Variants in GUCY1A2 observed in about 807,000 individuals in gnomAD.
GUCY1A2 encodes guanylate cyclase 1 soluble subunit alpha 2.
GUCY1A2 carries 27 observed loss-of-function variants against 63.5 expected under a neutral mutation model. The ratio of observed to expected loss-of-function variants is 0.43; its 90% CI spans 0.31 to 0.59. The LOEUF is 0.59. Among genes scored for constraint, GUCY1A2 ranks in the 20% least tolerant of loss-of-function variants. The pLI, the probability that GUCY1A2 is intolerant of heterozygous loss-of-function variation, is 0.11. For missense variants in GUCY1A2, 768 were observed against 913.3 expected (o/e 0.84, Z 2.05); for synonymous variants, 364 against 343.5 (o/e 1.06, Z -0.66).
intron 4 of GUCY1A2, among the ~76,000 whole-genome samples, chr11:106,882,136 AAAAT>A (rs1161059529): frequency 1.3e-5 from 2 of 151,908 alleles, no homozygotes; most frequent in Non-Finnish European, 2.9e-5. Context: ...TTGCTGAAGA[AAAAT>A]AAATATTGAC....
At chr11:106,827,908 G>A in intron 4 of GUCY1A2, 1 of 1,449,536 alleles carries the variant, frequency 6.9e-7, no homozygotes, top group Non-Finnish European at 9.7e-7. Context: ...GACTCCCAGT[G>A]GTTTACTGAA....
At chr11:106,969,100 T>A (rs1861162534) in intron 3 of GUCY1A2, among the ~76,000 whole-genome samples, 1 of 152,178 alleles carries the variant, frequency 6.6e-6, no homozygotes, top group Non-Finnish European at 1.5e-5. Flanking sequence ...AAAATGGGAC[T>A]AACAGTGGGA....
At chr11:106,819,500 A>G (rs1021981866) in intron 4 of GUCY1A2, among the ~76,000 whole-genome samples, 1 of 152,174 alleles carries the variant, frequency 6.6e-6, no homozygotes, top group Non-Finnish European at 1.5e-5. Flanking sequence ...GTCAGTAGCC[A>G]TTTACATCAA....
In GUCY1A2 at chr11:106,826,379, A is replaced by T. The variant is rs530058965; in HGVS notation, c.1207-15901T>A. 6 of 1,534,282 alleles carry T rather than the reference A, an allele frequency of 3.9e-6. No individual in the cohort carries two copies. The South Asian group carries it at 7.2e-5, about 18-fold the overall frequency. On this transcript the variant is annotated intron_variant, in intron 4 of 7. Coordinates refer to ENST00000526355, the MANE Select transcript of GUCY1A2 (RefSeq NM_000855.3). ...ATTTGGAACTTTATATGATTCTTGA[A>T]GAAATTCCATTTTTAGTCAAAATAA...
chr11:106,887,121 C>T (rs1161565558), intron 4 of GUCY1A2, among the ~76,000 whole-genome samples: 1 of 151,946 alleles, frequency 6.6e-6, no homozygotes, highest in African/African-American at 2.4e-5. Context: ...CTGCTTGTTG[C>T]CCCTTCTTAC....
intron 3 of GUCY1A2, among the ~76,000 whole-genome samples, chr11:106,963,244 A>T (rs1479956488): frequency 6.6e-6 from 1 of 152,202 alleles, no homozygotes; most frequent in East Asian, 1.9e-4. Flanking sequence ...GAATATGTCA[A>T]TGATTGATGA....
intron 4 of GUCY1A2, among the ~76,000 whole-genome samples, chr11:106,923,987 A>C (rs1469034493): frequency 6.6e-6 from 1 of 152,194 alleles, no homozygotes; most frequent in Non-Finnish European, 1.5e-5. Flanking sequence ...AGAATAAAAT[A>C]TATATTCTTA....
chr11:106,829,493 G>A (rs1859022438), intron 4 of GUCY1A2, among the ~76,000 whole-genome samples: 1 of 152,146 alleles, frequency 6.6e-6, no homozygotes, highest in African/African-American at 2.4e-5. Context: ...GTAAGACTGG[G>A]ATAATGATAA....
chr11:106,692,188 G>GT (rs1862637025), intron 7 of GUCY1A2, among the ~76,000 whole-genome samples: 1 of 152,112 alleles, frequency 6.6e-6, no homozygotes, highest in South Asian at 2.1e-4. Context: ...GATATGGAAG[G>GT]TTAGATTCTA....
intron 6 of GUCY1A2, among the ~76,000 whole-genome samples, chr11:106,774,913 C>G (rs1312860142): frequency 6.6e-6 from 1 of 152,016 alleles, no homozygotes; most frequent in Admixed American, 6.6e-5. Flanking sequence ...AAGTCTTGTC[C>G]CTTTCTCACA....
intron 6 of GUCY1A2, among the ~76,000 whole-genome samples, chr11:106,771,238 C>T (rs927709813): frequency 2.6e-5 from 4 of 152,032 alleles, no homozygotes; most frequent in African/African-American, 7.2e-5. Flanking sequence ...AAGTCATAGG[C>T]AGTAATAAAT....
intron 6 of GUCY1A2, among the ~76,000 whole-genome samples, chr11:106,764,958 T>C (rs1353130318): frequency 1.2e-5 from 1 of 81,544 alleles, no homozygotes; most frequent in East Asian, 3.8e-4. Context: ...AAACTTACTT[T>C]GCAGATTTTT....
intron 6 of GUCY1A2, among the ~76,000 whole-genome samples, chr11:106,776,063 G>A (rs572986450): frequency 3.7e-4 from 56 of 152,240 alleles, no homozygotes; most frequent in Non-Finnish European, 7.2e-4. Flanking sequence ...AGGAAGTTGC[G>A]CAGGTCCTCC....
At chr11:106,961,746 T>G (rs986038743) in intron 3 of GUCY1A2, among the ~76,000 whole-genome samples, 1 of 152,252 alleles carries the variant, frequency 6.6e-6, no homozygotes, top group Non-Finnish European at 1.5e-5. Flanking sequence ...CTTTCTAGCT[T>G]GCAGAAGAAT....
rs1861856207 is a variant in GUCY1A2, at chr11:107,018,196, G to T, written c.-141C>A. ...GCTGCGGTCGCGCCCGGCGGGGCGG[G>T]AGTCCCCGGGGCCGCGGAGCCCCCC... On this transcript the variant is annotated 5_prime_UTR_variant, in exon 1 of 8. Transcript: ENST00000526355. 3.5e-6 allele frequency: 1 copy of T among 285,032 alleles called. No individual in the cohort carries two copies. Among genetic ancestry groups the T allele is most frequent in the Non-Finnish European group, 6.0e-6 (1 of 166,024 alleles). 17.7% of individuals were successfully genotyped at this position (285,032 alleles called of 1,614,324 possible).
chr11:106,940,360 T>C (rs1027568438), intron 3 of GUCY1A2, among the ~76,000 whole-genome samples, 182 bp from the exon 4 acceptor site: 1 of 152,222 alleles, frequency 6.6e-6, no homozygotes, highest in Non-Finnish European at 1.5e-5. Context: ...TAAATTTCAG[T>C]TCATCTTCAG....
At chr11:106,938,753 A>G (rs1236129107) in intron 4 of GUCY1A2, among the ~76,000 whole-genome samples, 1 of 152,186 alleles carries the variant, frequency 6.6e-6, no homozygotes, top group Non-Finnish European at 1.5e-5. Flanking sequence ...GTTCATTTAA[A>G]CCCAAATATT....
rs756129641 is a variant in GUCY1A2, at chr11:106,939,609, C to T, written c.1057G>A (p.Asp353Asn). The change falls in exon 4 of 8, where the codon GAC becomes AAC. Residue 353 changes from aspartate (D) to asparagine (N), a missense_variant. By Grantham distance (23) the Asp-to-Asn change is conservative (BLOSUM62 1). Around this residue, in one of 3 missense-constraint regions of GUCY1A2, gnomAD observed 496 missense variants for 486.9 expected, o/e 1.02. Coordinates refer to ENST00000526355, the MANE Select transcript of GUCY1A2 (RefSeq NM_000855.3). ...TCAAACTTGAGCACTTTGTGAGTGT[C>T]ACATCGAAGCTGCTTCCTTAGACCT... ...GEGLRKQLRC[D>N]THKVLKFEDC... is the part of the protein sequence containing the mutation. 1.9e-6 allele frequency: 3 copies of T among 1,613,744 alleles called. No individual in the cohort carries two copies. The highest frequency in any genetic ancestry group is 1.7e-5 in the Admixed American group (1 of 59,962).
intron 4 of GUCY1A2, among the ~76,000 whole-genome samples, chr11:106,814,003 C>G (rs1858798679): frequency 6.6e-6 from 1 of 151,918 alleles, no homozygotes; most frequent in Non-Finnish European, 1.5e-5. Flanking sequence ...ACACTCAAAC[C>G]CAAACTGGAC....
Sources: gnomAD v4.1 joint callset for allele counts (sites outside exome capture counted in the v4.1 genomes callset) on GRCh38, gnomAD v4.1.1 for gene constraint, gnomAD v4.1.1 regional missense constraint, MANE v1.5 for transcripts, NCBI Gene and HGNC (gene_info 2026-07-23, HGNC 2026-07-21) for gene names.